DOP1B: variants seen among roughly 807,000 people sequenced by gnomAD.
DOP1B encodes the protein DOP1 leucine zipper like protein B.
Under a neutral mutation model 233.5 loss-of-function variants are expected in DOP1B, and 174 were observed. The ratio of observed to expected loss-of-function variants is 0.75; its 90% CI spans 0.66 to 0.85. The LOEUF is 0.85. Ranked by LOEUF, DOP1B falls within the 40% of genes least tolerant of loss-of-function variation. The pLI is 0.00. For missense variants in DOP1B, 2,652 were observed against 2,846.6 expected (o/e 0.93, Z 1.56); for synonymous variants, 1,190 against 1,185.6 (o/e 1.00, Z -0.08).
chr21:36,266,334 G>GC (rs2067230243), intron 26 of DOP1B, among the ~76,000 whole-genome samples: 1 of 152,036 alleles, frequency 6.6e-6, no homozygotes, highest in Non-Finnish European at 1.5e-5. Flanking sequence ...CCGCCACAAT[G>GC]CCAGCTAATT....
At chr21:36,257,880 T>G (rs2067124104) in intron 23 of DOP1B, among the ~76,000 whole-genome samples, 1 of 149,450 alleles carries the variant, frequency 6.7e-6, no homozygotes, top group African/African-American at 2.5e-5. Flanking sequence ...TAGGTAGATG[T>G]AGTTAGGTAG....
chr21:36,170,793 C>T (rs1442949636), intron 2 of DOP1B, among the ~76,000 whole-genome samples: 2 of 149,810 alleles, frequency 1.3e-5, no homozygotes, highest in Admixed American at 1.3e-4. Context: ...CAGAACAAAA[C>T]CCTGTTTCAA....
intron 2 of DOP1B, among the ~76,000 whole-genome samples, chr21:36,179,595 G>T (rs1231009107): frequency 3.3e-5 from 5 of 152,210 alleles, no homozygotes; most frequent in African/African-American, 1.2e-4. Context: ...TAGTTGTGAA[G>T]TGAGTCATGG....
At chr21:36,158,096 A>G (rs1467117518) in intron 1 of DOP1B, among the ~76,000 whole-genome samples, 1 of 152,010 alleles carries the variant, frequency 6.6e-6, no homozygotes, top group Non-Finnish European at 1.5e-5. Flanking sequence ...ACAGTGCCCA[A>G]CCCTGAATTT....
At chr21:36,237,512 G>T (rs1192854208) in intron 16 of DOP1B, 98 bp downstream of exon 16, 1 of 1,449,918 alleles carries the variant, frequency 6.9e-7, no homozygotes, top group Non-Finnish European at 9.4e-7. Context: ...AGTCTTTCTG[G>T]GGCTGAGTGG....
Position 36,277,105 on chromosome 21 carries a change from A to G in DOP1B, c.5712+5A>G. ...GCCCTCTCTCTCCTGGCAGAGGTAAATACACACCTGACCTGTCGTCCTTTA... is the reference window on the plus strand; with the variant it reads ...GCCCTCTCTCTCCTGGCAGAGGTAAGTACACACCTGACCTGTCGTCCTTTA... On this transcript the variant is annotated splice_donor_5th_base_variant and intron_variant, in intron 28 of 36. Transcript: ENST00000691173. 6.2e-7 allele frequency: 1 copy of G among 1,613,628 alleles called. No homozygotes were observed. The highest frequency in any genetic ancestry group is 1.1e-5 in the South Asian group (1 of 91,052).
chr21:36,228,465 A>T (rs1206094307), intron 13 of DOP1B, among the ~76,000 whole-genome samples: 1 of 151,846 alleles, frequency 6.6e-6, no homozygotes, highest in Non-Finnish European at 1.5e-5. Context: ...GTTTCAAAAA[A>T]AAAAATAAAT....
chr21:36,158,824 G>GA (rs369323953), intron 1 of DOP1B, among the ~76,000 whole-genome samples: 31 of 137,764 alleles, frequency 2.3e-4, no homozygotes, highest in African/African-American at 7.2e-4. Context: ...AAAAAGAAAA[G>GA]AAAAAAGAAA....
intron 31 of DOP1B, 117 bp from the exon 32 acceptor site, chr21:36,281,366 T>TTA: frequency 9.0e-7 from 1 of 1,112,258 alleles, no homozygotes; most frequent in Non-Finnish European, 1.3e-6. Flanking sequence ...TGTCCTTACT[T>TTA]AATAAAGATC....
intron 4 of DOP1B, among the ~76,000 whole-genome samples, chr21:36,201,144 G>A (rs1464079889): frequency 6.6e-6 from 1 of 152,066 alleles, no homozygotes; most frequent in Non-Finnish European, 1.5e-5. Flanking sequence ...CTCTTAGGGC[G>A]CCTAGTGTGG....
intron 26 of DOP1B, among the ~76,000 whole-genome samples, chr21:36,269,402 G>A (rs1189715618): frequency 5.3e-5 from 8 of 152,028 alleles, no homozygotes; most frequent in East Asian, 1.9e-4. Context: ...TGATCCGCCC[G>A]CCTCAGCCTC....
At chr21:36,190,189 G>A (rs2123451337) in intron 2 of DOP1B, among the ~76,000 whole-genome samples, 1 of 151,492 alleles carries the variant, frequency 6.6e-6, no homozygotes, top group African/African-American at 2.4e-5. Flanking sequence ...GCCAGGCATG[G>A]TGGCACATGC....
intron 24 of DOP1B, chr21:36,261,908 C>T: frequency 1.0e-6 from 1 of 961,494 alleles, no homozygotes; most frequent in Non-Finnish European, 1.2e-6. Context: ...GAGACTCTAT[C>T]TCAAAAAGGA....
intron 2 of DOP1B, among the ~76,000 whole-genome samples, chr21:36,192,356 CAAAAAA>C (rs573970546): frequency 8.0e-6 from 1 of 125,242 alleles, no homozygotes; most frequent in Admixed American, 8.1e-5. Flanking sequence ...AAGACACTGT[CAAAAAA>C]AAAAAACTAC....
chr21:36,238,777 C>A, intron 17 of DOP1B, 76 bp downstream of exon 17: 3 of 1,425,232 alleles, frequency 2.1e-6, no homozygotes, highest in Non-Finnish European at 3.0e-6. Flanking sequence ...ACGTGTGGGG[C>A]TGGGGAGGGA....
intron 23 of DOP1B, among the ~76,000 whole-genome samples, chr21:36,257,802 G>A (rs978970654): frequency 7.3e-5 from 2 of 27,374 alleles, no homozygotes; most frequent in Admixed American, 3.1e-4. Flanking sequence ...GTAGATGTAG[G>A]GTAGGTATGT....
intron 4 of DOP1B, among the ~76,000 whole-genome samples, chr21:36,207,499 GTT>G (rs1164791099): frequency 0.077 from 6,884 of 89,580 alleles, 179 homozygotes; most frequent in African/African-American, 0.084. Flanking sequence ...AGTTTTTTTT[GTT>G]TTTTTTTTTT....
intron 35 of DOP1B, among the ~76,000 whole-genome samples, chr21:36,289,615 A>G (rs2156416): frequency 0.41 from 62,977 of 151,906 alleles, 13,151 homozygotes; most frequent in Middle Eastern, 0.51. Flanking sequence ...ACTTTGCCCC[A>G]TAGGCTTATG....
intron 1 of DOP1B, among the ~76,000 whole-genome samples, chr21:36,161,255 C>T (rs541742052): frequency 2.6e-5 from 4 of 152,024 alleles, no homozygotes; most frequent in Non-Finnish European, 5.9e-5. Context: ...CAGTGATTCT[C>T]CCGCCTCAGC....
Sources: gnomAD v4.1 joint callset for allele counts (sites outside exome capture counted in the v4.1 genomes callset) on GRCh38, gnomAD v4.1.1 for gene constraint, MANE v1.5 for transcripts, NCBI Gene and HGNC (gene_info 2026-07-23, HGNC 2026-07-21) for gene names.